The following ANKEF1 variants were observed in gnomAD, a reference collection of about 807,000 sequenced individuals.
ANKEF1 encodes the protein ankyrin repeat and EF-hand domain-containing protein 1.
A neutral mutation model predicts 65.1 loss-of-function variants in ANKEF1; 43 were observed. The ratio of observed to expected loss-of-function variants is 0.66; its 90% CI spans 0.52 to 0.85. ANKEF1 has a LOEUF of 0.85. Among genes scored for constraint, ANKEF1 ranks in the 40% least tolerant of loss-of-function variants. The probability of loss-of-function intolerance (pLI) is 0.00; values close to 1 mark genes in which losing one functional copy is unlikely to be tolerated. For synonymous variants in ANKEF1, 316 were observed against 341.5 expected (o/e 0.93, Z 0.82); for missense variants, 934 against 952.9 (o/e 0.98, Z 0.26).
rs1568514661 is a variant in ANKEF1 at position 10,049,444 on chromosome 20, A to G, written c.875A>G (p.Lys292Arg). 1 of 1,614,056 alleles carries G rather than the reference A, an allele frequency of 6.2e-7. No homozygotes were observed. Among genetic ancestry groups the G allele is most frequent in the Non-Finnish European group, 8.5e-7 (1 of 1,180,012 alleles). ...CATAAAACGCCCAGGGCTGTGGCTA[A>G]GGAAGGCGGCTTCAAAGCAGCAAGC... ...LDHKTPRAVA[K>R]EGGFKAASKE... The change falls in exon 7 of 11, where the codon AAG becomes AGG. Residue 292 changes from lysine to arginine, a missense_variant. Physicochemically the swap from Lys to Arg is conservative, Grantham distance 26. Transcript: ENST00000378392.
At chr20:10,044,082 G>A (rs1208559590) in intron 4 of ANKEF1, among the ~76,000 whole-genome samples, 1 of 152,098 alleles carries the variant, frequency 6.6e-6, no homozygotes, top group Non-Finnish European at 1.5e-5. Context: ...TATATTAGGT[G>A]TTGATATTTT....
Position 10,043,252 on chromosome 20 carries a change from T to C in ANKEF1, c.477T>C (p.Asp159=). Residue 159 remains aspartate (D), a synonymous_variant, in exon 4 of 11, where the codon GAT becomes GAC. Coordinates refer to ENST00000378392, the MANE Select transcript of ANKEF1 (RefSeq NM_022096.6). Reference sequence around the variant, plus strand: ...CAATATTCCTTAGAGCTTGTGAAGATGCACATGATGTTAAAGATGTGTGCC... The same window carrying C: ...CAATATTCCTTAGAGCTTGTGAAGACGCACATGATGTTAAAGATGTGTGCC... The part of the protein sequence containing the change: ...GKPIFLRACE[D]AHDVKDVCLT... 6.2e-7 allele frequency: 1 copy of C among 1,614,218 alleles called. No homozygotes were observed. The highest frequency in any genetic ancestry group is 8.5e-7 in the Non-Finnish European group (1 of 1,180,020).
intron 5 of ANKEF1, 39 bp downstream of exon 5, chr20:10,044,582 AC>A: frequency 6.2e-7 from 1 of 1,606,086 alleles, no homozygotes; most frequent in African/African-American, 1.3e-5. Context: ...TGTTGCTAAA[AC>A]TTTTCTGTCC....
intron 2 of ANKEF1, among the ~76,000 whole-genome samples, chr20:10,036,523 T>G (rs1293958374): frequency 6.6e-6 from 1 of 152,166 alleles, no homozygotes; most frequent in Non-Finnish European, 1.5e-5. Context: ...GGTTCCCTAG[T>G]CCACCGCATG....
At position 10,056,493 on chromosome 20, in the gene ANKEF1, A is replaced by AGAC. The variant is rs1568519996; in HGVS notation, c.*835_*836insCGA. 1 of 92,986 alleles carries AGAC rather than the reference A, an allele frequency of 1.1e-5. No individual in the cohort carries two copies. Among genetic ancestry groups the AGAC allele is most frequent in the East Asian group, 3.7e-4 (1 of 2,722 alleles). The allele number at this position is 92,986 out of a possible 1,614,324, so 5.8% of individuals were successfully genotyped here. ...ATAGATAGATGATAGATAGATAGAT[A>AGAC]GATGATAGATAGATAGATAGATAGA... On this transcript the variant is annotated 3_prime_UTR_variant, in exon 11 of 11. Coordinates refer to ENST00000378392, the MANE Select transcript of ANKEF1 (RefSeq NM_022096.6).
chr20:10,049,826 G>C lies in ANKEF1; in HGVS notation c.1257G>C (p.Gly419=), dbSNP rs143880600. 6.2e-7 allele frequency: 1 copy of C among 1,614,102 alleles called. No individual in the cohort carries two copies. Among genetic ancestry groups the C allele is most frequent in the Non-Finnish European group, 8.5e-7 (1 of 1,180,004 alleles). Residue 419 remains glycine (G), a synonymous_variant, in exon 7 of 11, where the codon GGG becomes GGC. Coordinates refer to ENST00000378392, the MANE Select transcript of ANKEF1 (RefSeq NM_022096.6). ...ATGGACCTAAGAAAAAGGAAAAAGG[G>C]ATGGGCAAAAAAGGAAAGAAAGGGA... ...GSYGPKKKEK[G]MGKKGKKGKF...
intron 6 of ANKEF1, 50 bp downstream of exon 6, chr20:10,045,747 G>T: frequency 1.3e-6 from 2 of 1,599,452 alleles, no homozygotes; most frequent in Non-Finnish European, 1.7e-6. Context: ...ATTTACCCAT[G>T]TCATAGATAA....
chr20:10,052,372 C>G (rs1375848699), intron 8 of ANKEF1, among the ~76,000 whole-genome samples: 1 of 152,110 alleles, frequency 6.6e-6, no homozygotes, highest in African/African-American at 2.4e-5. Context: ...ATTGCATACC[C>G]TATAGACTTT....
Position 10,058,046 on chromosome 20 carries a change from C to G in ANKEF1, c.*2386C>G, listed in dbSNP as rs1985264174. ...CAGCAGTGCTACAGATGTCATTGCA[C>G]CCTTCTCAGTACATCATATCAGGAG... On this transcript the variant is annotated 3_prime_UTR_variant, in exon 11 of 11. Transcript: ENST00000378392. 6.6e-6 allele frequency: 1 copy of G among 152,124 alleles called. No individual in the cohort carries two copies. Among genetic ancestry groups the G allele is most frequent in the Admixed American group, 6.5e-5 (1 of 15,276 alleles). 9.4% of individuals were successfully genotyped at this position (152,124 alleles called of 1,614,324 possible).
At chr20:10,044,339 C>T in intron 4 of ANKEF1, 55 bp from the exon 5 acceptor site, 2 of 1,574,344 alleles carry the variant, frequency 1.3e-6, no homozygotes, top group Non-Finnish European at 1.7e-6. Flanking sequence ...ACTGATTCTG[C>T]TACTTAATAT....
chr20:10,046,879 T>G (rs1405410246), intron 6 of ANKEF1, among the ~76,000 whole-genome samples: 1 of 152,200 alleles, frequency 6.6e-6, no homozygotes, highest in Non-Finnish European at 1.5e-5. Flanking sequence ...CCATTTTTAC[T>G]TGTATGAATG....
Position 10,055,532 on chromosome 20 carries a change from C to G in ANKEF1, c.2203C>G (p.Leu735Val), listed in dbSNP as rs1568519039. Residue 735 changes from leucine to valine, a missense_variant, in exon 11 of 11, where the codon CTG (leucine) becomes GTG (valine). Coordinates refer to ENST00000378392, the MANE Select transcript of ANKEF1 (RefSeq NM_022096.6). ...GAGTCCTGAAGCCACAACAGCAGAG[C>G]TGATCAGGAAGAGGGAACTACGGCG... Reference protein sequence around the residue: ...IWSPEATTAELIRKRELRRER... With the variant: ...IWSPEATTAEVIRKRELRRER... 5.6e-6 allele frequency: 9 copies of G among 1,613,716 alleles called. No homozygotes were observed. In the South Asian group the frequency reaches 9.9e-5, roughly 18 times the overall value.
At position 10,055,922 on chromosome 20, in the gene ANKEF1, A is replaced by ATGAT; in HGVS notation, c.*262_*263insTGAT. ...TGAAATACATGGCATGTGGGTTATA[A>ATGAT]ACGTTGCTGTCAAAAGATTTACCAG... is the stretch of plus-strand genomic sequence containing the variant. On this transcript the variant is annotated 3_prime_UTR_variant, in exon 11 of 11. Transcript: ENST00000378392. 1 of 395,442 alleles carries ATGAT rather than the reference A, an allele frequency of 2.5e-6. No homozygotes were observed. 24.5% of individuals were successfully genotyped at this position (395,442 alleles called of 1,614,324 possible). A position where few individuals can be genotyped will look rare whatever the true frequency, so the allele number is the denominator to read the frequency against.
chr20:10,050,308 C>G, intron 7 of ANKEF1, 96 bp downstream of exon 7: 1 of 968,612 alleles, frequency 1.0e-6, no homozygotes, highest in Non-Finnish European at 1.5e-6. Flanking sequence ...TAGAAAAGTG[C>G]TACTTTATTA....
intron 6 of ANKEF1, among the ~76,000 whole-genome samples, chr20:10,048,129 A>G (rs182963906): frequency 6.6e-6 from 1 of 152,320 alleles, no homozygotes; most frequent in African/African-American, 2.4e-5. Context: ...TCTTAAAACT[A>G]TCCAATATAG....
At chr20:10,040,251 C>T (rs1837619824) in intron 3 of ANKEF1, among the ~76,000 whole-genome samples, 1 of 152,260 alleles carries the variant, frequency 6.6e-6, no homozygotes, top group Admixed American at 6.5e-5. Flanking sequence ...AAGGCTCACT[C>T]AGCTTGCACA....
Position 10,057,151 on chromosome 20 carries a change from G to T in ANKEF1, c.*1491G>T, listed in dbSNP as rs754074824. 1 of 152,174 alleles carries T rather than the reference G, an allele frequency of 6.6e-6. No individual in the cohort carries two copies. Among genetic ancestry groups the T allele is most frequent in the African/African-American group, 2.4e-5 (1 of 41,444 alleles). 9.4% of individuals were successfully genotyped at this position (152,174 alleles called of 1,614,324 possible). A position where few individuals can be genotyped will look rare whatever the true frequency, so the allele number is the denominator to read the frequency against. Reference sequence around the variant, plus strand: ...TGCAGATTACAGCTCTGTCAGTCACGTATGGATTAAACCCCTTTCCTCTAA... The same window carrying T: ...TGCAGATTACAGCTCTGTCAGTCACTTATGGATTAAACCCCTTTCCTCTAA... On this transcript the variant is annotated 3_prime_UTR_variant, in exon 11 of 11. Coordinates refer to ENST00000378392, the MANE Select transcript of ANKEF1 (RefSeq NM_022096.6).
rs541173408 is a variant in ANKEF1, at chr20:10,045,812, C to G, written c.820+115C>G. On this transcript the variant is annotated intron_variant, in intron 6 of 10. Coordinates refer to ENST00000378392, the MANE Select transcript of ANKEF1 (RefSeq NM_022096.6). ...TGGCTTATTTTTTTCTATAGCAAAA[C>G]CTCACTCATATGTAGAAAGAAAATT... The G allele has an allele frequency of 4.6e-5, 46 of 1,004,738 alleles. No individual in the cohort carries two copies. The East Asian group carries it at 1.1e-3, about 23-fold the overall frequency. The allele number at this position is 1,004,738 out of a possible 1,614,324, so 62.2% of individuals were successfully genotyped here.
Position 10,049,887 on chromosome 20 carries a change from G to A in ANKEF1, c.1318G>A (p.Glu440Lys), listed in dbSNP as rs1984747311. Residue 440 changes from glutamate to lysine, a missense_variant, in exon 7 of 11, where the codon GAG (glutamate) becomes AAG (lysine). Glu to Lys is a moderately conservative substitution (Grantham distance 56, BLOSUM62 1). Transcript: ENST00000378392. ...VLPLPICVIP[E>K]YAFPRRQDGG... is the part of the protein sequence containing the mutation. ...ACCCCTTCCAATCTGTGTCATTCCT[G>A]AGTACGCGTTTCCACGCCGGCAGGA... 1 of 1,614,064 alleles carries A rather than the reference G, an allele frequency of 6.2e-7. No homozygotes were observed. Among genetic ancestry groups the A allele is most frequent in the Admixed American group, 1.7e-5 (1 of 59,998 alleles).
Sources: allele counts gnomAD v4.1 joint callset (sites outside exome capture counted in the v4.1 genomes callset), GRCh38; gene constraint gnomAD v4.1.1; transcripts MANE v1.5; gene names NCBI Gene and HGNC (gene_info 2026-07-23, HGNC 2026-07-21).